SPATA6L: variants seen among roughly 807,000 people sequenced by gnomAD.
SPATA6L encodes spermatogenesis associated 6-like protein.
In SPATA6L, 68 loss-of-function variants were observed where a neutral mutation model predicts 49.2. The ratio of observed to expected loss-of-function variants is 1.38; its 90% CI spans 1.14 to 1.69. The LOEUF is 1.69. Among genes scored for constraint, SPATA6L ranks in the 40% most tolerant of loss-of-function variants. SPATA6L has a pLI of 0.00. For synonymous variants in SPATA6L, 198 were observed against 165.7 expected (o/e 1.19, Z -1.50); for missense variants, 668 against 464.3 (o/e 1.44, Z -4.03).
At chr9:4,618,946 A>G in intron 7 of SPATA6L, 48 bp from the exon 8 acceptor site, 2 of 1,576,582 alleles carry the variant, frequency 1.3e-6, no homozygotes, top group Non-Finnish European at 1.7e-6. Flanking sequence ...ATTACCATTT[A>G]GCCTTAAAAC....
chr9:4,591,515 G>C (rs78803314), intron 13 of SPATA6L, among the ~76,000 whole-genome samples: 1 of 152,340 alleles, frequency 6.6e-6, no homozygotes, highest in East Asian at 1.9e-4. Context: ...ACCAGTCGGC[G>C]ATAGAGGGAC....
chr9:4,615,397 A>G (rs1379607513), intron 9 of SPATA6L, among the ~76,000 whole-genome samples: 1 of 152,184 alleles, frequency 6.6e-6, no homozygotes, highest in Admixed American at 6.5e-5. Context: ...TCTTAACCAC[A>G]GATTTAACGT....
chr9:4,625,669 C>A (rs1830213869), intron 5 of SPATA6L, 103 bp from the exon 6 acceptor site: 2 of 729,682 alleles, frequency 2.7e-6, no homozygotes, highest in South Asian at 6.6e-5. Context: ...AAATTAAGGT[C>A]AAAGATAACA....
At chr9:4,593,713 ATATGTCAC>A (rs1822051695), downstream of SPATA6L, among the ~76,000 whole-genome samples, 1 of 152,198 alleles carries the variant, frequency 6.6e-6, no homozygotes, top group African/African-American at 2.4e-5. Flanking sequence ...CTTCTGCAAC[ATATGTCAC>A]TGTTGATTAG....
intron 3 of SPATA6L, among the ~76,000 whole-genome samples, chr9:4,642,290 T>C (rs970931234): frequency 1.3e-5 from 2 of 152,164 alleles, no homozygotes; most frequent in Admixed American, 6.5e-5. Flanking sequence ...TGTTTGAACA[T>C]AAAATTGGGT....
intron 7 of SPATA6L, among the ~76,000 whole-genome samples, chr9:4,620,366 G>C (rs1204281821): frequency 6.6e-6 from 1 of 152,102 alleles, no homozygotes; most frequent in Admixed American, 6.5e-5. Flanking sequence ...TCACACGGGG[G>C]CCTGCCATCA....
intron 6 of SPATA6L, among the ~76,000 whole-genome samples, chr9:4,623,410 G>C (rs1050838963): frequency 2.6e-5 from 4 of 151,984 alleles, no homozygotes; most frequent in Admixed American, 2.6e-4. Context: ...CAAAATACTT[G>C]AACTAGGGAC....
intron 3 of SPATA6L, among the ~76,000 whole-genome samples, chr9:4,648,508 GT>G (rs370781216): frequency 0.083 from 12,623 of 151,614 alleles, 747 homozygotes; most frequent in East Asian, 0.22. Flanking sequence ...GACCATCCTG[GT>G]CTAACTCGGT....
chr9:4,628,396 TA>T (rs1167049543), intron 5 of SPATA6L: 2 of 152,096 alleles, frequency 1.3e-5, no homozygotes, highest in Non-Finnish European at 2.9e-5. Flanking sequence ...TACGTACCCA[TA>T]AAAAATTAAA....
At chr9:4,594,707 G>A (rs563729574), downstream of SPATA6L, among the ~76,000 whole-genome samples, 2 of 152,232 alleles carry the variant, frequency 1.3e-5, no homozygotes, top group East Asian at 1.9e-4. Context: ...TGTGAAGCGA[G>A]TGACCCAAGA....
At chr9:4,616,662 C>T (rs1258952001) in intron 9 of SPATA6L, among the ~76,000 whole-genome samples, 2 of 152,138 alleles carry the variant, frequency 1.3e-5, no homozygotes, top group Non-Finnish European at 2.9e-5. Context: ...CTCAGCTCAC[C>T]CCAACCTCCG....
At chr9:4,666,065 G>C (rs1258176072) in intron 1 of SPATA6L, 147 bp downstream of exon 1, 3 of 616,998 alleles carry the variant, frequency 4.9e-6, no homozygotes, top group Non-Finnish European at 8.1e-6. Context: ...AACCAATATG[G>C]AGAAAAAGAC....
intron 3 of SPATA6L, among the ~76,000 whole-genome samples, chr9:4,638,986 C>T (rs1833455948): frequency 1.3e-5 from 2 of 152,086 alleles, no homozygotes; most frequent in South Asian, 2.1e-4. Context: ...ATCCCTGCTC[C>T]ACCACTTACC....
downstream of SPATA6L, among the ~76,000 whole-genome samples, chr9:4,598,166 G>A (rs1331125830): frequency 2.0e-5 from 3 of 151,888 alleles, no homozygotes; most frequent in East Asian, 5.8e-4. Context: ...TTGTTTGGAG[G>A]GCCTAGGTTC....
At chr9:4,596,676 T>C (rs1029106314), downstream of SPATA6L, 1 of 152,244 alleles carries the variant, frequency 6.6e-6, no homozygotes, top group Non-Finnish European at 1.5e-5. Flanking sequence ...AAGTGGTTAA[T>C]TGTTCCAACT....
intron 3 of SPATA6L, among the ~76,000 whole-genome samples, chr9:4,653,039 C>G (rs988955301): frequency 4.6e-5 from 7 of 152,108 alleles, no homozygotes; most frequent in African/African-American, 1.7e-4. Flanking sequence ...CTTATGGAAA[C>G]TCAAGTGAAC....
chr9:4,645,011 G>C (rs1161522221), intron 3 of SPATA6L, among the ~76,000 whole-genome samples: 1 of 152,102 alleles, frequency 6.6e-6, no homozygotes, highest in Admixed American at 6.6e-5. Flanking sequence ...TGCAAAAGTG[G>C]CTATAAACAC....
intron 13 of SPATA6L, among the ~76,000 whole-genome samples, chr9:4,591,443 G>A (rs1450566385): frequency 1.3e-5 from 2 of 152,120 alleles, no homozygotes; most frequent in African/African-American, 4.8e-5. Context: ...AGGAAACTAG[G>A]CAGGTCTGAT....
At chr9:4,646,547 G>A (rs1022758868) in intron 3 of SPATA6L, 31 of 1,469,802 alleles carry the variant, frequency 2.1e-5, no homozygotes, top group Non-Finnish European at 2.5e-5. Flanking sequence ...GAAAAAATGA[G>A]ATTTTAATAC....
Sources: gnomAD v4.1 joint callset for allele counts (sites outside exome capture counted in the v4.1 genomes callset) on GRCh38, gnomAD v4.1.1 for gene constraint, MANE v1.5 for transcripts, NCBI Gene and HGNC (gene_info 2026-07-23, HGNC 2026-07-21) for gene names.